The following ZNF365 variants were observed in gnomAD, a reference collection of about 807,000 sequenced individuals.
ZNF365 encodes the protein zinc finger protein 365.
ZNF365 carries 22 observed loss-of-function variants against 35.0 expected under a neutral mutation model. That is an observed-to-expected ratio of 0.63 (90% CI 0.45 to 0.90). The LOEUF is 0.90. Among genes scored for constraint, ZNF365 ranks in the 40% least tolerant of loss-of-function variants. ZNF365 has a pLI of 0.00. For synonymous variants in ZNF365, 188 were observed against 196.2 expected, an observed-to-expected ratio of 0.96 and a Z score of 0.35; for missense variants, 448 against 500.3, an observed-to-expected ratio of 0.90 and a Z score of 1.00.
At chr10:62,416,426 C>T (rs1340990654) in intron 3 of ZNF365, among the ~76,000 whole-genome samples, 1 of 152,050 alleles carries the variant, frequency 6.6e-6, no homozygotes, top group African/African-American at 2.4e-5. Context: ...GAAATGTTCC[C>T]ATGTTTTCCT....
At chr10:62,439,338 T>C (rs1236605438) in intron 3 of ZNF365, among the ~76,000 whole-genome samples, 2 of 152,050 alleles carry the variant, frequency 1.3e-5, no homozygotes, top group African/African-American at 2.4e-5. Flanking sequence ...GATTGAGCAA[T>C]TGATTAAATA....
At chr10:62,478,590 T>C (rs1454493197) in intron 4 of ZNF365, among the ~76,000 whole-genome samples, 2 of 152,252 alleles carry the variant, frequency 1.3e-5, no homozygotes, top group Non-Finnish European at 2.9e-5. Flanking sequence ...GTTTGTTTTT[T>C]TGAGACGGAG....
chr10:62,393,901 A>G (rs1839677973), intron 3 of ZNF365, among the ~76,000 whole-genome samples: 1 of 152,102 alleles, frequency 6.6e-6, no homozygotes, highest in Non-Finnish European at 1.5e-5. Context: ...TAGGAAGACC[A>G]AGAATGAGGT....
intron 2 of ZNF365, among the ~76,000 whole-genome samples, chr10:62,386,881 A>G (rs1374827536): frequency 6.6e-6 from 1 of 152,226 alleles, no homozygotes; most frequent in East Asian, 1.9e-4. Context: ...GTCTAGAACA[A>G]CTGAATGAGG....
chr10:62,383,038 G>T lies in ZNF365; in HGVS notation c.744-5358G>T, dbSNP rs77466899. On this transcript the variant is annotated intron_variant, in intron 2 of 4. Transcript: ENST00000395254. ...CCCCCTACTCCTGTAGGAGGTACCCGTAGGTTACTCATTGGTTTTATGCCC... is the reference window on the plus strand; with the variant it reads ...CCCCCTACTCCTGTAGGAGGTACCCTTAGGTTACTCATTGGTTTTATGCCC... Among the ~76,000 whole-genome samples the T allele has an allele frequency of 5.8e-3, 878 of 152,272 alleles. 7 individuals are homozygous for T. The highest frequency in any genetic ancestry group is 0.021 in the African/African-American group (859 of 41,564).
chr10:62,398,800 G>C (rs762992903), intron 4 of ZNF365, 23 bp downstream of exon 4: 2 of 1,603,340 alleles, frequency 1.2e-6, no homozygotes, highest in Non-Finnish European at 1.7e-6. Context: ...TTTTATACTT[G>C]GGCCATTTGA....
intron 3 of ZNF365, among the ~76,000 whole-genome samples, chr10:62,450,607 T>C (rs996858936): frequency 2.0e-5 from 3 of 152,174 alleles, no homozygotes; most frequent in African/African-American, 7.2e-5. Flanking sequence ...TTCTGCTGCT[T>C]TATTCTTCTC....
rs1388495480 is a variant in ZNF365, at chr10:62,400,948, T to A, written c.*1159T>A. On this transcript the variant is annotated 3_prime_UTR_variant, in exon 5 of 5. Transcript: ENST00000395254. ...CTGACACTGTCTTCCCCTCCTTCCC[T>A]CCCTAAAATGGCTTTAGTTTCCACA... 4.1e-6 allele frequency: 4 copies of A among 985,510 alleles called. No homozygotes were observed. Among genetic ancestry groups the A allele is most frequent in the Non-Finnish European group, 4.8e-6 (4 of 829,920 alleles). 61.0% of individuals were successfully genotyped at this position (985,510 alleles called of 1,614,324 possible).
chr10:62,397,466 C>T (rs1432917283), intron 3 of ZNF365, among the ~76,000 whole-genome samples: 1 of 152,186 alleles, frequency 6.6e-6, no homozygotes, highest in East Asian at 1.9e-4. Flanking sequence ...TTCTGTTGGT[C>T]TGCCTGCTAA....
Position 62,400,981 on chromosome 10 carries a change from G to A in ZNF365, c.*1192G>A, listed in dbSNP as rs1839818855. ...ATGGCTTTAGTTTCCACAAAGAGCT[G>A]TTAAGAATTTCCTGCTGTATGATTT... On this transcript the variant is annotated 3_prime_UTR_variant, in exon 5 of 5. Transcript: ENST00000395254. 1.0e-6 allele frequency: 1 copy of A among 985,454 alleles called. No individual in the cohort carries two copies. Among genetic ancestry groups the A allele is most frequent in the Non-Finnish European group, 1.2e-6 (1 of 829,920 alleles). 61.0% of individuals were successfully genotyped at this position (985,454 alleles called of 1,614,324 possible). A position where few individuals can be genotyped will look rare whatever the true frequency, so the allele number is the denominator to read the frequency against.
chr10:62,394,073 G>C (rs1025201687), intron 3 of ZNF365, among the ~76,000 whole-genome samples: 2 of 152,182 alleles, frequency 1.3e-5, no homozygotes, highest in Non-Finnish European at 2.9e-5. Context: ...CATACAGGTT[G>C]AGTATACTTT....
chr10:62,464,731 G>A (rs951086840), intron 4 of ZNF365, among the ~76,000 whole-genome samples: 2 of 152,204 alleles, frequency 1.3e-5, no homozygotes, highest in Admixed American at 6.5e-5. Flanking sequence ...TTAGAGCTGG[G>A]GGTATAGGAG....
At chr10:62,464,627 T>G (rs1471501583) in intron 4 of ZNF365, among the ~76,000 whole-genome samples, 2 of 152,364 alleles carry the variant, frequency 1.3e-5, no homozygotes, top group East Asian at 3.9e-4. Flanking sequence ...GCTTTATTCC[T>G]CCTTTCTTTC....
chr10:62,404,730 C>T (rs1157848122), downstream of ZNF365, among the ~76,000 whole-genome samples: 3 of 152,136 alleles, frequency 2.0e-5, no homozygotes, highest in African/African-American at 7.2e-5. Flanking sequence ...GGGAATTGGG[C>T]TGGGTTCTTC....
intron 3 of ZNF365, among the ~76,000 whole-genome samples, chr10:62,449,489 T>C (rs2132471610): frequency 6.6e-6 from 1 of 152,322 alleles, no homozygotes; most frequent in South Asian, 2.1e-4. Flanking sequence ...AATCTTACAA[T>C]CTGGAGCAAA....
chr10:62,429,165 C>A (rs980041127), intron 3 of ZNF365, among the ~76,000 whole-genome samples: 1 of 152,150 alleles, frequency 6.6e-6, no homozygotes, highest in South Asian at 2.1e-4. Context: ...TCCATTTAAA[C>A]CAGGGATGCA....
intron 3 of ZNF365, among the ~76,000 whole-genome samples, chr10:62,453,133 A>G (rs1047164215): frequency 6.6e-6 from 1 of 152,364 alleles, no homozygotes. Flanking sequence ...GTACATCTTT[A>G]AAAAATTTTT....
At chr10:62,438,403 G>C (rs144445885) in intron 3 of ZNF365, among the ~76,000 whole-genome samples, 44 of 152,066 alleles carry the variant, frequency 2.9e-4, no homozygotes, top group African/African-American at 1.1e-3. Context: ...GCCCAGGCTG[G>C]TCTCAAACTC....
At chr10:62,471,162 C>G (rs759450586) in intron 4 of ZNF365, among the ~76,000 whole-genome samples, 1 of 151,934 alleles carries the variant, frequency 6.6e-6, no homozygotes, top group South Asian at 2.1e-4. Flanking sequence ...GTCAGGAGAT[C>G]GAGATCATCC....
Sources: gnomAD v4.1 joint callset for allele counts (sites outside exome capture counted in the v4.1 genomes callset) on GRCh38, gnomAD v4.1.1 for gene constraint, MANE v1.5 for transcripts, NCBI Gene and HGNC (gene_info 2026-07-23, HGNC 2026-07-21) for gene names.